Variants in USP30 observed in about 807,000 individuals in gnomAD.
USP30 encodes ubiquitin specific peptidase 30.
USP30 carries 41 observed loss-of-function variants against 68.2 expected under a neutral mutation model. The observed-to-expected ratio is 0.60, with a 90% confidence interval of 0.47 to 0.78. The LOEUF (loss-of-function observed/expected upper bound fraction) is 0.78. Among genes scored for constraint, USP30 ranks in the 30% least tolerant of loss-of-function variants. USP30 has a pLI of 0.00. For missense variants in USP30, 522 were observed against 649.4 expected (o/e 0.80, Z 2.13); for synonymous variants, 229 against 253.7 (o/e 0.90, Z 0.93).
chr12:109,062,365 C>T (rs1336837255), intron 3 of USP30, among the ~76,000 whole-genome samples: 5 of 131,338 alleles, frequency 3.8e-5, no homozygotes, highest in African/African-American at 9.0e-5. Context: ...GACGGAGTCT[C>T]GCTCTGTCGC....
chr12:109,029,147 G>A (rs2135653575), intron 3 of USP30, among the ~76,000 whole-genome samples: 1 of 152,326 alleles, frequency 6.6e-6, no homozygotes, highest in Non-Finnish European at 1.5e-5. Flanking sequence ...TATAGATCAT[G>A]GAGAGTTCTC....
chr12:109,081,485 T>C (rs2041792846), intron 8 of USP30, 92 bp downstream of exon 8: 1 of 1,309,024 alleles, frequency 7.6e-7, no homozygotes, highest in Admixed American at 1.9e-5. Context: ...TCAGGCACTA[T>C]GTGTAATTCA....
intron 1 of USP30, among the ~76,000 whole-genome samples, chr12:109,024,554 G>T (rs750019401): frequency 3.9e-5 from 6 of 151,946 alleles, no homozygotes; most frequent in Non-Finnish European, 8.8e-5. Context: ...CACCGTGCCC[G>T]GCCACAATGA....
At chr12:109,081,623 G>GCACACACACACACACA (rs61164773) in intron 8 of USP30, 1 of 499,556 alleles carries the variant, frequency 2.0e-6, no homozygotes, top group East Asian at 3.5e-5. Context: ...ACGCATGCGC[G>GCACACACACACACACA]CACACACACA....
chr12:109,036,637 T>G (rs2040523208), intron 3 of USP30, among the ~76,000 whole-genome samples: 1 of 152,182 alleles, frequency 6.6e-6, no homozygotes, highest in South Asian at 2.1e-4. Context: ...TTTTTTGTTT[T>G]GTTTAAGAAT....
chr12:109,036,532 A>AGGT (rs2040522638), intron 3 of USP30, among the ~76,000 whole-genome samples: 1 of 151,994 alleles, frequency 6.6e-6, no homozygotes, highest in South Asian at 2.1e-4. Flanking sequence ...TCCAGACCTG[A>AGGT]GGTGATCCAC....
intron 7 of USP30, among the ~76,000 whole-genome samples, chr12:109,079,118 C>CT (rs1050165673): frequency 2.6e-5 from 4 of 151,766 alleles, no homozygotes; most frequent in African/African-American, 4.8e-5. Context: ...TAAATTTGTA[C>CT]TTTTTTTAAC....
intron 3 of USP30, among the ~76,000 whole-genome samples, chr12:109,031,106 A>C (rs896913993): frequency 5.9e-5 from 9 of 152,208 alleles, no homozygotes; most frequent in African/African-American, 1.9e-4. Context: ...CTAAAAAAAA[A>C]CATACTTTTG....
At chr12:109,046,087 T>C (rs2040601896) in intron 3 of USP30, among the ~76,000 whole-genome samples, 1 of 140,716 alleles carries the variant, frequency 7.1e-6, no homozygotes, top group African/African-American at 2.6e-5. Flanking sequence ...TTGGGGGAAG[T>C]CAGTCTTTTT....
rs770222569 is a variant in USP30 at position 109,071,609 on chromosome 12, C to T, written c.481-3C>T. On this transcript the variant is annotated splice_polypyrimidine_tract_variant and splice_region_variant and intron_variant, in intron 4 of 12. Coordinates refer to ENST00000257548, the MANE Select transcript of USP30 (RefSeq NM_032663.5). ...CTCTAAAGAATGCTTTGCCCTATGA[C>T]AGGATGCTCACGAATTATTCCATGT... The T allele has an allele frequency of 5.1e-5, 82 of 1,613,752 alleles. No individual in the cohort carries two copies. The highest frequency in any genetic ancestry group is 6.7e-5 in the Non-Finnish European group (79 of 1,179,788).
chr12:109,082,513 C>G, intron 9 of USP30, 150 bp from the exon 10 acceptor site: 1 of 685,782 alleles, frequency 1.5e-6, no homozygotes, highest in South Asian at 1.9e-5. Flanking sequence ...TCAGGGAAAA[C>G]AATTCACAAA....
chr12:109,069,371 A>C (rs372589060), intron 4 of USP30, among the ~76,000 whole-genome samples: 1 of 152,096 alleles, frequency 6.6e-6, no homozygotes, highest in East Asian at 1.9e-4. Context: ...CTTCCTGTTC[A>C]TCTGTACAGG....
In USP30 at chr12:109,085,656, G is replaced by C. The variant is rs776952861; in HGVS notation, c.1290-11G>C. 6.2e-7 allele frequency: 1 copy of C among 1,613,176 alleles called. No homozygotes were observed. The stretch of plus-strand genomic sequence containing the variant: ...AATTGTAAACCCCTGACATGTGTTC[G>C]TATCATTCAGCTCCTCCACATACCT... On this transcript the variant is annotated splice_polypyrimidine_tract_variant and intron_variant, in intron 12 of 12. Transcript: ENST00000257548.
At chr12:109,047,255 C>T (rs945245340) in intron 3 of USP30, among the ~76,000 whole-genome samples, 1 of 152,060 alleles carries the variant, frequency 6.6e-6, no homozygotes, top group Non-Finnish European at 1.5e-5. Context: ...ACACTTCATC[C>T]TCTTCTGGCC....
rs1325499548 is a variant in USP30, at chr12:109,082,990, C to T, written c.1096C>T (p.His366Tyr). 1.2e-6 allele frequency: 2 copies of T among 1,614,206 alleles called. No homozygotes were observed. Among genetic ancestry groups the T allele is most frequent in the South Asian group, 2.2e-5 (2 of 91,084 alleles). ...YHLLGHKPSQ[H>Y]NPKLNKNPGP... is the part of the protein sequence containing the mutation. The stretch of plus-strand genomic sequence containing the variant: ...CCTCCTTGGACATAAACCTAGTCAA[C>T]ACAACCCTAAACTGAACAAGAACCC... The change falls in exon 11 of 13, where the codon CAC (histidine) becomes TAC (tyrosine). Residue 366 changes from histidine to tyrosine, a missense_variant. By Grantham distance (83) the His-to-Tyr change is moderately conservative (BLOSUM62 2). Transcript: ENST00000257548.
At chr12:109,061,085 A>T (rs763962300) in intron 3 of USP30, among the ~76,000 whole-genome samples, 12 of 152,114 alleles carry the variant, frequency 7.9e-5, no homozygotes, top group Non-Finnish European at 1.6e-4. Context: ...GCACCCAGCC[A>T]TGTTCATGGG....
chr12:109,034,348 CAATTCTTTTA>C lies in USP30; in HGVS notation c.-136+6797_-136+6806del, dbSNP rs970720532. ...TTAGAGAACATATTTTATATGATTT[CAATTCTTTTA>C]AATTTTGAGGCTTATTTTATGGCCT... On this transcript the variant is annotated intron_variant, in intron 3 of 15. Coordinates refer to the USP30 transcript ENST00000392784. 8.8e-4 allele frequency among the ~76,000 whole-genome samples: 134 copies of C among 152,204 alleles called. 1 individual carries two copies. The highest frequency in any genetic ancestry group is 3.1e-3 in the African/African-American group (130 of 41,538).
chr12:109,082,779 T>G, intron 10 of USP30, 36 bp downstream of exon 10: 1 of 1,611,362 alleles, frequency 6.2e-7, no homozygotes, highest in Non-Finnish European at 8.5e-7. Context: ...GGCTTTGTTT[T>G]GAGGACTCCG....
chr12:109,050,163 G>A (rs1459608469), upstream of USP30, among the ~76,000 whole-genome samples: 7 of 152,076 alleles, frequency 4.6e-5, no homozygotes, highest in South Asian at 1.0e-3. Context: ...GCGTGGTGGC[G>A]GGAGCCTGTA....
Sources: gnomAD v4.1 joint callset for allele counts (sites outside exome capture counted in the v4.1 genomes callset) on GRCh38, gnomAD v4.1.1 for gene constraint, MANE v1.5 for transcripts, NCBI Gene and HGNC (gene_info 2026-07-23, HGNC 2026-07-21) for gene names.